The following LRRC4C variants were observed in gnomAD, a reference collection of about 807,000 sequenced individuals.
LRRC4C encodes the protein leucine-rich repeat-containing protein 4C.
A neutral mutation model predicts 33.6 loss-of-function variants in LRRC4C; 5 were observed. That is an observed-to-expected ratio of 0.15 (90% CI 0.08 to 0.31). LRRC4C has a LOEUF of 0.31. LRRC4C is among the 10% of genes least tolerant of loss of function. The pLI is 1.00. For missense variants in LRRC4C, 560 were observed against 796.7 expected, an observed-to-expected ratio of 0.70 and a Z score of 3.58; for synonymous variants, 329 against 302.0, an observed-to-expected ratio of 1.09 and a Z score of -0.93.
At chr11:41,329,176 T>G (rs1268332539) in intron 1 of LRRC4C, among the ~76,000 whole-genome samples, 1 of 152,240 alleles carries the variant, frequency 6.6e-6, no homozygotes, top group Non-Finnish European at 1.5e-5. Flanking sequence ...ATATGCTAAC[T>G]TTCTAAATTA....
At chr11:41,093,562 C>T (rs1057106393) in intron 1 of LRRC4C, among the ~76,000 whole-genome samples, 4 of 152,046 alleles carry the variant, frequency 2.6e-5, no homozygotes, top group Non-Finnish European at 4.4e-5. Flanking sequence ...GATTATTTCT[C>T]TTTATCCTCT....
chr11:41,021,217 G>A (rs1424903330), intron 1 of LRRC4C, among the ~76,000 whole-genome samples: 1 of 120,902 alleles, frequency 8.3e-6, no homozygotes, highest in Admixed American at 8.2e-5. Flanking sequence ...GAGAGAGAGT[G>A]TGTGTGTGTG....
chr11:40,631,254 T>C (rs1184072665), intron 3 of LRRC4C, among the ~76,000 whole-genome samples: 1 of 152,178 alleles, frequency 6.6e-6, no homozygotes, highest in Non-Finnish European at 1.5e-5. Context: ...GGGTTTTTTA[T>C]GTGTGCTGAG....
At chr11:41,100,165 T>G (rs980128528) in intron 1 of LRRC4C, among the ~76,000 whole-genome samples, 7 of 151,722 alleles carry the variant, frequency 4.6e-5, no homozygotes, top group South Asian at 4.2e-4. Context: ...ACCAGGAAAG[T>G]GAAAGAACTC....
intron 5 of LRRC4C, among the ~76,000 whole-genome samples, chr11:40,216,137 T>C (rs942014065): frequency 2.0e-5 from 3 of 152,174 alleles, no homozygotes; most frequent in Admixed American, 6.6e-5. Flanking sequence ...AAATAACTCT[T>C]CAAATCTTAA....
intron 3 of LRRC4C, among the ~76,000 whole-genome samples, chr11:40,381,394 C>A (rs1041102671): frequency 1.3e-5 from 2 of 152,040 alleles, no homozygotes; most frequent in African/African-American, 4.8e-5. Context: ...AACTGTAGCC[C>A]AGGTGACATT....
At chr11:40,566,200 T>G (rs1165511099) in intron 3 of LRRC4C, among the ~76,000 whole-genome samples, 4 of 150,820 alleles carry the variant, frequency 2.7e-5, no homozygotes, top group Non-Finnish European at 4.4e-5. Flanking sequence ...AAAGCCACAT[T>G]TGAGGTTTGT....
In LRRC4C at chr11:40,305,024, C is replaced by G. The variant is rs188422363; in HGVS notation, c.-176+14604G>C. Among the ~76,000 whole-genome samples the G allele has an allele frequency of 3.2e-4, 49 of 152,302 alleles. 2 individuals are homozygous for G. The East Asian group carries it at 9.3e-3, about 29-fold the overall frequency. On this transcript the variant is annotated intron_variant, in intron 4 of 6. Transcript: ENST00000528697. The stretch of plus-strand genomic sequence containing the variant: ...TCGTGATCTACCCTCCTTGGCCTCC[C>G]AAAGTGCTGGGATTACAGGCATCAA...
At chr11:40,836,190 C>T (rs938421102) in intron 2 of LRRC4C, among the ~76,000 whole-genome samples, 1 of 152,176 alleles carries the variant, frequency 6.6e-6, no homozygotes, top group South Asian at 2.1e-4. Flanking sequence ...CCCAACCTCA[C>T]CAATCTTCTC....
intron 1 of LRRC4C, among the ~76,000 whole-genome samples, chr11:41,386,059 C>G (rs929281009): frequency 2.6e-5 from 4 of 151,386 alleles, no homozygotes; most frequent in African/African-American, 9.7e-5. Context: ...GTTGTAACAT[C>G]TTTGCTTAGA....
chr11:40,852,082 C>T (rs980493640), intron 2 of LRRC4C, among the ~76,000 whole-genome samples: 1 of 151,810 alleles, frequency 6.6e-6, no homozygotes, highest in Non-Finnish European at 1.5e-5. Context: ...CTGCCTCAGC[C>T]TCCCAAAGTG....
At chr11:40,594,187 T>A (rs965670089) in intron 3 of LRRC4C, among the ~76,000 whole-genome samples, 8 of 152,218 alleles carry the variant, frequency 5.3e-5, no homozygotes, top group African/African-American at 1.9e-4. Context: ...TTCATTTAAA[T>A]GTTAGCTCTT....
chr11:40,277,419 TA>T (rs1317133868), intron 4 of LRRC4C, among the ~76,000 whole-genome samples: 1 of 151,992 alleles, frequency 6.6e-6, no homozygotes, highest in Non-Finnish European at 1.5e-5. Context: ...GGCAAAATAC[TA>T]TAACAGGTTG....
chr11:41,095,929 C>T (rs10768664), intron 1 of LRRC4C, among the ~76,000 whole-genome samples: 2 of 152,112 alleles, frequency 1.3e-5, no homozygotes, highest in African/African-American at 4.8e-5. Context: ...TATGTTAACT[C>T]CCGCTGTGCT....
chr11:40,115,437 G>T lies in LRRC4C; in HGVS notation c.856C>A (p.Leu286Ile). ...TCTAGATGATGCAAGGGAGTGAAGAGGTCATGAGGCAGTAATGTTAGATTA... is the reference window on the plus strand; with the variant it reads ...TCTAGATGATGCAAGGGAGTGAAGATGTCATGAGGCAGTAATGTTAGATTA... ...HNNLTLLPHDLFTPLHHLERI... is the reference protein window; with the variant it reads ...HNNLTLLPHDIFTPLHHLERI... The change falls in exon 7 of 7, where the codon CTC becomes ATC. Residue 286 changes from leucine (L) to isoleucine (I), a missense_variant. Leu to Ile is a conservative substitution (Grantham distance 5). Coordinates refer to ENST00000528697, the MANE Select transcript of LRRC4C (RefSeq NM_001258419.2). The surrounding 1 kb of genome is among the most constrained non-coding windows in gnomAD (Gnocchi z 6.7). 1 of 1,614,192 alleles carries T rather than the reference G, an allele frequency of 6.2e-7. No individual in the cohort carries two copies. Among genetic ancestry groups the T allele is most frequent in the Non-Finnish European group, 8.5e-7 (1 of 1,180,032 alleles).
intron 1 of LRRC4C, among the ~76,000 whole-genome samples, chr11:41,041,713 A>T (rs1857451244): frequency 6.6e-6 from 1 of 152,168 alleles, no homozygotes; most frequent in Non-Finnish European, 1.5e-5. Flanking sequence ...ATACATACAC[A>T]TATACTCAAA....
chr11:41,138,945 T>C (rs1943384387), intron 1 of LRRC4C, among the ~76,000 whole-genome samples: 1 of 152,210 alleles, frequency 6.6e-6, no homozygotes, highest in Non-Finnish European at 1.5e-5. Flanking sequence ...AATACCTAGC[T>C]TCCCCAATAA....
chr11:40,601,595 T>C (rs1371856977), intron 3 of LRRC4C, among the ~76,000 whole-genome samples: 1 of 152,238 alleles, frequency 6.6e-6, no homozygotes, highest in Non-Finnish European at 1.5e-5. Context: ...GCACATCTAA[T>C]TATTTTGCAT....
intron 2 of LRRC4C, among the ~76,000 whole-genome samples, chr11:40,787,047 C>G (rs568348734): frequency 6.6e-6 from 1 of 152,252 alleles, no homozygotes; most frequent in South Asian, 2.1e-4. Flanking sequence ...AGACACTCAC[C>G]TCCATGCCAA....
Sources: allele counts gnomAD v4.1 joint callset (sites outside exome capture counted in the v4.1 genomes callset), GRCh38; gene constraint gnomAD v4.1.1; non-coding constraint Gnocchi (gnomAD v3.1); transcripts MANE v1.5; gene names NCBI Gene and HGNC (gene_info 2026-07-23, HGNC 2026-07-21).